TBL1X: variants seen among roughly 807,000 people sequenced by gnomAD.
TBL1X encodes the protein transducin beta like 1 X-linked.
A neutral mutation model predicts 50.7 loss-of-function variants in TBL1X; 10 were observed. The ratio of observed to expected loss-of-function variants is 0.20; its 90% CI spans 0.12 to 0.33. TBL1X has a LOEUF of 0.33. Ranked by LOEUF, TBL1X falls within the 10% of genes least tolerant of loss-of-function variation. The probability of loss-of-function intolerance (pLI) is 1.00; values close to 1 mark genes in which losing one functional copy is unlikely to be tolerated. For synonymous variants in TBL1X, 190 were observed against 214.7 expected (o/e 0.88, Z 1.01); for missense variants, 340 against 504.4 (o/e 0.67, Z 3.12).
At chrX:9,483,620 GC>G (rs1306582133) in intron 1 of TBL1X, among the ~76,000 whole-genome samples, 1 of 110,647 alleles carries the variant, frequency 9.0e-6, no homozygotes, top group Non-Finnish European at 1.9e-5. Context: ...TCCCCCTGAA[GC>G]CTGCCTGCCT....
intron 3 of TBL1X, among the ~76,000 whole-genome samples, chrX:9,648,532 C>G (rs757523270): frequency 4.5e-4 from 51 of 112,247 alleles, no homozygotes; most frequent in African/African-American, 1.7e-3. Context: ...CCCAGAGCTC[C>G]TGTGCTTCTC....
intron 1 of TBL1X, among the ~76,000 whole-genome samples, chrX:9,498,851 A>G (rs139050258): frequency 1.8e-5 from 2 of 112,171 alleles, no homozygotes; most frequent in Non-Finnish European, 3.8e-5. Flanking sequence ...TCTGAGCCCA[A>G]GGCAGTTGGG....
chrX:9,694,729 T>C (rs1422530525), intron 11 of TBL1X, among the ~76,000 whole-genome samples: 1 of 111,158 alleles, frequency 9.0e-6, no homozygotes, highest in Non-Finnish European at 1.9e-5. Context: ...ATCCCAGCAC[T>C]TTGGGAGGCC....
chrX:9,491,336 A>ATTTTTTTT (rs1256522168), intron 1 of TBL1X, among the ~76,000 whole-genome samples: 3 of 25,304 alleles, frequency 1.2e-4, no homozygotes, highest in African/African-American at 4.1e-4. Context: ...ATATATATAT[A>ATTTTTTTT]TATTTTTTTT....
chrX:9,711,341 CA>C (rs35046287), intron 15 of TBL1X, among the ~76,000 whole-genome samples: 16,649 of 76,253 alleles, frequency 0.22, 1,309 homozygotes, highest in Middle Eastern at 0.35. Context: ...GACCCCATCT[CA>C]AAAAAAAAAA....
chrX:9,474,642 A>G (rs181126858), intron 1 of TBL1X, among the ~76,000 whole-genome samples: 28 of 113,151 alleles, frequency 2.5e-4, no homozygotes, highest in Non-Finnish European at 5.1e-4. Flanking sequence ...CCACAAGGAA[A>G]CCTTGGAACA....
intron 2 of TBL1X, among the ~76,000 whole-genome samples, chrX:9,613,999 A>AAG (rs1555900847): frequency 4.6e-5 from 5 of 109,234 alleles, no homozygotes; most frequent in East Asian, 2.8e-4. Flanking sequence ...AAAAAAAAAA[A>AAG]AAAAGAAAAG....
chrX:9,686,752 A>G (rs1473382752), intron 6 of TBL1X, among the ~76,000 whole-genome samples: 1 of 111,878 alleles, frequency 8.9e-6, no homozygotes, highest in Admixed American at 9.4e-5. Context: ...ACATGTTGTT[A>G]CTACTTTGGA....
intron 3 of TBL1X, among the ~76,000 whole-genome samples, chrX:9,651,887 G>A (rs781396608): frequency 1.1e-4 from 12 of 112,462 alleles, no homozygotes; most frequent in African/African-American, 2.9e-4. Context: ...GTGGAATGTC[G>A]CCAGGGCAGC....
chrX:9,526,612 A>G (rs1347382956), intron 2 of TBL1X, among the ~76,000 whole-genome samples: 2 of 111,405 alleles, frequency 1.8e-5, no homozygotes, highest in African/African-American at 6.5e-5. Flanking sequence ...ACCAGAGAGT[A>G]TGGATTTTAG....
chrX:9,678,553 A>G (rs1198724006), intron 5 of TBL1X, among the ~76,000 whole-genome samples: 3 of 112,619 alleles, frequency 2.7e-5, no homozygotes, highest in African/African-American at 9.7e-5. Flanking sequence ...TCTGTTAAAT[A>G]CTTAATAAAA....
chrX:9,585,341 C>CCG (rs3216373), intron 2 of TBL1X, among the ~76,000 whole-genome samples: 1 of 37,253 alleles, frequency 2.7e-5, no homozygotes, highest in Non-Finnish European at 4.2e-5. Flanking sequence ...CCCCTCCCCT[C>CCG]CCCCCCCCGC....
intron 5 of TBL1X, among the ~76,000 whole-genome samples, chrX:9,668,579 A>G (rs990617564): frequency 8.9e-6 from 1 of 112,505 alleles, no homozygotes; most frequent in Non-Finnish European, 1.9e-5. Flanking sequence ...TGCAGAATTT[A>G]TAGAAACTAT....
intron 2 of TBL1X, among the ~76,000 whole-genome samples, chrX:9,536,416 A>G (rs2082188102): frequency 9.1e-6 from 1 of 109,789 alleles, no homozygotes; most frequent in African/African-American, 3.3e-5. Context: ...ATGCCCAGCT[A>G]ATTTTTGTAT....
intron 5 of TBL1X, among the ~76,000 whole-genome samples, 169 bp downstream of exon 5, chrX:9,654,491 G>C (rs1363443622): frequency 8.9e-6 from 1 of 111,987 alleles, no homozygotes; most frequent in Non-Finnish European, 1.9e-5. Context: ...CCATCCCCGG[G>C]TGGAAAGAGG....
intron 13 of TBL1X, among the ~76,000 whole-genome samples, chrX:9,705,680 C>T (rs2083202439): frequency 9.8e-6 from 1 of 102,024 alleles, no homozygotes; most frequent in African/African-American, 3.6e-5. Context: ...ACAGTAGCAC[C>T]ACTGCACTCC....
chrX:9,600,974 A>G lies in TBL1X; in HGVS notation c.-130-39299A>G, dbSNP rs373435145. Among the ~76,000 whole-genome samples the G allele has an allele frequency of 3.6e-5, 4 of 112,234 alleles. No individual in the cohort carries two copies. In the East Asian group the frequency reaches 1.1e-3, roughly 31 times the overall value. On this transcript the variant is annotated intron_variant, in intron 2 of 17. Coordinates refer to ENST00000645353, the MANE Select transcript of TBL1X (RefSeq NM_005647.4). ...ATAGAGAGAACAAACAGGTCAGGGCATGCAGACTTGATTACAGGTGCTCTG... is the reference window on the plus strand; with the variant it reads ...ATAGAGAGAACAAACAGGTCAGGGCGTGCAGACTTGATTACAGGTGCTCTG...
rs985751457 is a variant in TBL1X at position 9,712,938 on chromosome X, A to C, written c.1605+1162A>C. Among the ~76,000 whole-genome samples, 3 of 69,821 alleles carry C rather than the reference A, an allele frequency of 4.3e-5. No homozygotes were observed. In the East Asian group the frequency reaches 2.7e-3, roughly 63 times the overall value. The allele number at this position is 69,821 out of a possible 115,157, so 60.6% of individuals were successfully genotyped here. A position where few individuals can be genotyped will look rare whatever the true frequency, so the allele number is the denominator to read the frequency against. ...ATAAGGAAGGGGTCCCTTTCGCCTC[A>C]GGAGGGGAGGAATCACACAGCCTTC... On this transcript the variant is annotated intron_variant, in intron 16 of 17. Coordinates refer to ENST00000645353, the MANE Select transcript of TBL1X (RefSeq NM_005647.4).
chrX:9,514,105 C>G (rs1470706863), intron 2 of TBL1X, among the ~76,000 whole-genome samples: 2 of 111,096 alleles, frequency 1.8e-5, no homozygotes, highest in Non-Finnish European at 3.8e-5. Flanking sequence ...GGGAAGACAT[C>G]CAAACTATGT....
Sources: allele counts gnomAD v4.1 joint callset (sites outside exome capture counted in the v4.1 genomes callset), GRCh38; gene constraint gnomAD v4.1.1; transcripts MANE v1.5; gene names NCBI Gene and HGNC (gene_info 2026-07-23, HGNC 2026-07-21).